The following TRIM11 variants were observed in gnomAD, a reference collection of about 807,000 sequenced individuals.
TRIM11 encodes the protein E3 ubiquitin-protein ligase TRIM11.
TRIM11 carries 15 observed loss-of-function variants against 33.4 expected under a neutral mutation model. That is an observed-to-expected ratio of 0.45 (90% CI 0.30 to 0.69). The LOEUF (loss-of-function observed/expected upper bound fraction) is 0.69, where lower values mean the gene tolerates loss of function less well. Among genes scored for constraint, TRIM11 ranks in the 30% least tolerant of loss-of-function variants. The pLI, the probability that TRIM11 is intolerant of heterozygous loss-of-function variation, is 0.08. For synonymous variants in TRIM11, 281 were observed against 302.6 expected (o/e 0.93, Z 0.74); for missense variants, 499 against 667.6 (o/e 0.75, Z 2.78).
Position 228,406,080 on chromosome 1 carries a change from A to AACAACC in TRIM11, c.408+73_408+74insGGTTGT. 1.0e-4 allele frequency: 133 copies of AACAACC among 1,277,830 alleles called. No individual in the cohort carries two copies. Among genetic ancestry groups the AACAACC allele is most frequent in the Non-Finnish European group, 1.2e-4 (121 of 998,750 alleles). 79.2% of individuals were successfully genotyped at this position (1,277,830 alleles called of 1,614,324 possible). ...GATTACTCCCGGAGCAGTCCCCCAA[A>AACAACC]CCTCCCACCCGCCCAGGCCTCCCCA... is the stretch of plus-strand genomic sequence containing the variant. On this transcript the variant is annotated intron_variant, in intron 1 of 5. Coordinates refer to ENST00000284551, the MANE Select transcript of TRIM11 (RefSeq NM_145214.3). The surrounding 1 kb of genome is among the most constrained non-coding windows in gnomAD (Gnocchi z 8.2).
chr1:228,406,370 G>T lies in TRIM11; in HGVS notation c.192C>A (p.Asn64Lys). The T allele has an allele frequency of 3.3e-6, 5 of 1,515,672 alleles. No homozygotes were observed. The highest frequency in any genetic ancestry group is 4.4e-6 in the Non-Finnish European group (5 of 1,134,668). The allele number at this position is 1,515,672 out of a possible 1,614,324, so 93.9% of individuals were successfully genotyped here. ...TAGCAAGCGGGCGGTTGGGCCGCAG[G>T]TTCCTCTGCGGGGACAGCTCGCGGC... ...PECRELSPQR[N>K]LRPNRPLAKM... Residue 64 changes from asparagine to lysine, a missense_variant, in exon 1 of 6, where the codon AAC becomes AAA. Asn to Lys is a moderately conservative substitution (Grantham distance 94, BLOSUM62 0). Coordinates refer to ENST00000284551, the MANE Select transcript of TRIM11 (RefSeq NM_145214.3). The surrounding 1 kb of genome is among the most constrained non-coding windows in gnomAD (Gnocchi z 8.2).
In TRIM11 at chr1:228,406,448, C is replaced by T; in HGVS notation, c.114G>A (p.Glu38=). ...MTDCGHNFCR[E]CIRRCWGQPE... is the part of the protein sequence containing the mutation. The stretch of plus-strand genomic sequence containing the variant: ...GCTGGCCCCAGCAGCGCCGGATGCA[C>T]TCGCGGCAGAAGTTGTGGCCGCAGT... Residue 38 remains glutamate, a synonymous_variant, in exon 1 of 6, where the codon GAG becomes GAA. Coordinates refer to ENST00000284551, the MANE Select transcript of TRIM11 (RefSeq NM_145214.3). The surrounding 1 kb of genome is among the most constrained non-coding windows in gnomAD (Gnocchi z 8.2). 3 of 1,590,894 alleles carry T rather than the reference C, an allele frequency of 1.9e-6. No homozygotes were observed. The highest frequency in any genetic ancestry group is 1.7e-6 in the Non-Finnish European group (2 of 1,173,152).
At position 228,406,739 on chromosome 1, in the gene TRIM11, A is replaced by G. The variant is rs1574090323; in HGVS notation, c.-178T>C. On this transcript the variant is annotated 5_prime_UTR_variant, in exon 1 of 6. Coordinates refer to ENST00000284551, the MANE Select transcript of TRIM11 (RefSeq NM_145214.3). The surrounding 1 kb of genome is among the most constrained non-coding windows in gnomAD (Gnocchi z 8.2). The stretch of plus-strand genomic sequence containing the variant: ...GGGCGCGGGGACTCCAGGGCGCAGG[A>G]CTCTGGGTTTCGGTAGCGCTGGGCG... 4.2e-6 allele frequency: 2 copies of G among 479,040 alleles called. No homozygotes were observed. The highest frequency in any genetic ancestry group is 2.3e-5 in the African/African-American group (1 of 43,454). The allele number at this position is 479,040 out of a possible 1,614,324, so 29.7% of individuals were successfully genotyped here. A position where few individuals can be genotyped will look rare whatever the true frequency, so the allele number is the denominator to read the frequency against.
rs1231151542 is a variant in TRIM11, at chr1:228,403,968, T to C, written c.409-1807A>G. Reference sequence around the variant, plus strand: ...CCACACCTGGCCAACGTTTTCAGTTTTCAACACTAAGGTTACAAACAGCAT... The same window carrying C: ...CCACACCTGGCCAACGTTTTCAGTTCTCAACACTAAGGTTACAAACAGCAT... On this transcript the variant is annotated intron_variant, in intron 1 of 5. Transcript: ENST00000284551. This position sits in a 1 kb window ranked among gnomAD's most constrained non-coding sequence, Gnocchi z 4.8. 6.6e-6 allele frequency: 1 copy of C among 152,250 alleles called. No homozygotes were observed. Among genetic ancestry groups the C allele is most frequent in the East Asian group, 1.9e-4 (1 of 5,200 alleles). 9.4% of individuals were successfully genotyped at this position (152,250 alleles called of 1,614,324 possible).
Position 228,403,102 on chromosome 1 carries a change from C to T in TRIM11, c.409-941G>A, listed in dbSNP as rs533108973. 5 of 152,228 alleles carry T rather than the reference C, an allele frequency of 3.3e-5. No homozygotes were observed. The highest frequency in any genetic ancestry group is 4.4e-5 in the Non-Finnish European group (3 of 68,078). The allele number at this position is 152,228 out of a possible 1,614,324, so 9.4% of individuals were successfully genotyped here. ...CCCACGGTTCCTCATGCTGTGCATA[C>T]CAGGAAGCAGTGAAAATCCTGTACA... On this transcript the variant is annotated intron_variant, in intron 1 of 5. Transcript: ENST00000284551. The surrounding 1 kb of genome is among the most constrained non-coding windows in gnomAD (Gnocchi z 4.8).
intron 3 of TRIM11, among the ~76,000 whole-genome samples, chr1:228,398,919 G>T (rs1218412881): frequency 6.6e-6 from 1 of 152,036 alleles, no homozygotes; most frequent in Non-Finnish European, 1.5e-5. Context: ...CTCGACAAGG[G>T]GGTTTGGTCT....
At chr1:228,398,127 T>A (rs898530548) in intron 3 of TRIM11, among the ~76,000 whole-genome samples, 4 of 152,170 alleles carry the variant, frequency 2.6e-5, no homozygotes, top group Admixed American at 1.3e-4. Context: ...CAGTCTTCAG[T>A]GCACTGCAAG....
rs144867289 is a variant in TRIM11, at chr1:228,400,337, A to G, written c.735+627T>C. Among the ~76,000 whole-genome samples, 729 of 152,328 alleles carry G rather than the reference A, an allele frequency of 4.8e-3. 5 individuals carry two copies. The highest frequency in any genetic ancestry group is 0.017 in the African/African-American group (694 of 41,580). On this transcript the variant is annotated intron_variant, in intron 3 of 5. Coordinates refer to ENST00000284551, the MANE Select transcript of TRIM11 (RefSeq NM_145214.3). The surrounding 1 kb of genome is among the most constrained non-coding windows in gnomAD (Gnocchi z 4.5). ...TCATCAGTGCACGCTTGCCAAGCGG[A>G]GAGAGCTGACTCCAGGCCCCCTGAC...
rs1182357675 is a variant in TRIM11 at position 228,400,812 on chromosome 1, C to T, written c.735+152G>A. On this transcript the variant is annotated intron_variant, in intron 3 of 5. Transcript: ENST00000284551. This position sits in a 1 kb window ranked among gnomAD's most constrained non-coding sequence, Gnocchi z 4.5. ...GTCCTGCTGCTGACTCAGCATTTCA[C>T]AGGCAACAGCCAGGCACATCCAGCC... The T allele has an allele frequency of 2.9e-6, 4 of 1,393,402 alleles. No individual in the cohort carries two copies. Among genetic ancestry groups the T allele is most frequent in the South Asian group, 3.1e-5 (2 of 64,338 alleles). 86.3% of individuals were successfully genotyped at this position (1,393,402 alleles called of 1,614,324 possible).
At chr1:228,398,124 C>T (rs2075002185) in intron 3 of TRIM11, among the ~76,000 whole-genome samples, 1 of 152,148 alleles carries the variant, frequency 6.6e-6, no homozygotes, top group Non-Finnish European at 1.5e-5. Flanking sequence ...GAGCAGTCTT[C>T]AGTGCACTGC....
In TRIM11 at chr1:228,394,412, G is replaced by C. The variant is rs1478144522; in HGVS notation, c.*293C>G. On this transcript the variant is annotated 3_prime_UTR_variant, in exon 6 of 6. Transcript: ENST00000284551. This position sits in a 1 kb window ranked among gnomAD's most constrained non-coding sequence, Gnocchi z 6.2. Reference sequence around the variant, plus strand: ...AGTTTTCTCAGCTTCTGGAACCACAGGCCAGAGCTGCCGGGGCAATGGGGC... The same window carrying C: ...AGTTTTCTCAGCTTCTGGAACCACACGCCAGAGCTGCCGGGGCAATGGGGC... 1 of 438,836 alleles carries C rather than the reference G, an allele frequency of 2.3e-6. No individual in the cohort carries two copies. The highest frequency in any genetic ancestry group is 3.6e-5 in the East Asian group (1 of 27,524). The allele number at this position is 438,836 out of a possible 1,614,324, so 27.2% of individuals were successfully genotyped here.
chr1:228,406,144 C>A lies in TRIM11; in HGVS notation c.408+10G>T. On this transcript the variant is annotated intron_variant, in intron 1 of 5. Coordinates refer to ENST00000284551, the MANE Select transcript of TRIM11 (RefSeq NM_145214.3). This position sits in a 1 kb window ranked among gnomAD's most constrained non-coding sequence, Gnocchi z 8.2. ...CGACGCCCCTGCACGCCACCCCCGC[C>A]CAGGAGCACCTTGAGGTCTTCGGCC... The A allele has an allele frequency of 7.3e-7, 1 of 1,370,072 alleles. No individual in the cohort carries two copies. The allele number at this position is 1,370,072 out of a possible 1,614,324, so 84.9% of individuals were successfully genotyped here.
Position 228,394,321 on chromosome 1 carries a change from G to C in TRIM11, c.*384C>G, listed in dbSNP as rs2074958017. The stretch of plus-strand genomic sequence containing the variant: ...AGAGGTGGGGTACACAAGACTTTCA[G>C]GGGGCTGGCAAAGCTGCAGGAACTG... On this transcript the variant is annotated 3_prime_UTR_variant, in exon 6 of 6. Transcript: ENST00000284551. The surrounding 1 kb of genome is among the most constrained non-coding windows in gnomAD (Gnocchi z 6.2). 4.9e-6 allele frequency: 1 copy of C among 203,000 alleles called. No homozygotes were observed. The highest frequency in any genetic ancestry group is 5.9e-5 in the Admixed American group (1 of 16,948). 12.6% of individuals were successfully genotyped at this position (203,000 alleles called of 1,614,324 possible). A position where few individuals can be genotyped will look rare whatever the true frequency, so the allele number is the denominator to read the frequency against.
At chr1:228,405,896 A>T in intron 1 of TRIM11, 1 of 375,544 alleles carries the variant, frequency 2.7e-6, no homozygotes, top group African/African-American at 2.4e-5. Flanking sequence ...TACGCCCCTC[A>T]CCCCCGAGAG....
Position 228,402,448 on chromosome 1 carries a change from A to G in TRIM11, c.409-287T>C, listed in dbSNP as rs941117598. The G allele has an allele frequency of 4.4e-5, 12 of 273,710 alleles. No homozygotes were observed. The South Asian group carries it at 5.9e-4, about 13-fold the overall frequency. The allele number at this position is 273,710 out of a possible 1,614,324, so 17.0% of individuals were successfully genotyped here. On this transcript the variant is annotated intron_variant, in intron 1 of 5. Coordinates refer to ENST00000284551, the MANE Select transcript of TRIM11 (RefSeq NM_145214.3). The stretch of plus-strand genomic sequence containing the variant: ...GCCCAGGCCTCACCCCCCTTTGCAA[A>G]GCTACCTCAAGGGTTCTGGCTGCCC...
Position 228,401,152 on chromosome 1 carries a change from C to G in TRIM11, c.547G>C (p.Glu183Gln). 1 of 1,613,584 alleles carries G rather than the reference C, an allele frequency of 6.2e-7. No homozygotes were observed. The highest frequency in any genetic ancestry group is 8.5e-7 in the Non-Finnish European group (1 of 1,179,926). ...TCTGCCAGCAAACGGCGAAGACGCT[C>G]GAACTCACCCAGCACGTTCTGCCGC... ...SQRQNVLGEF[E>Q]RLRRLLAEEE... Residue 183 changes from glutamate (E) to glutamine (Q), a missense_variant, in exon 3 of 6, where the codon GAG becomes CAG. Glu to Gln is a conservative substitution (Grantham distance 29). Transcript: ENST00000284551. This position sits in a 1 kb window ranked among gnomAD's most constrained non-coding sequence, Gnocchi z 6.1.
Position 228,406,594 on chromosome 1 carries a change from C to T in TRIM11, c.-33G>A. The T allele has an allele frequency of 7.1e-7, 1 of 1,414,120 alleles. No homozygotes were observed. The highest frequency in any genetic ancestry group is 9.2e-7 in the Non-Finnish European group (1 of 1,083,530). 87.6% of individuals were successfully genotyped at this position (1,414,120 alleles called of 1,614,324 possible). On this transcript the variant is annotated 5_prime_UTR_variant, in exon 1 of 6. Transcript: ENST00000284551. This position sits in a 1 kb window ranked among gnomAD's most constrained non-coding sequence, Gnocchi z 8.2. The stretch of plus-strand genomic sequence containing the variant: ...ACAGAGGGGAGGAAGGCGGTACTGT[C>T]CGCGGGGCGGCGGCGGGCGGCCTCG...
At position 228,406,369 on chromosome 1, in the gene TRIM11, G is replaced by C; in HGVS notation, c.193C>G (p.Leu65Val). 6.6e-7 allele frequency: 1 copy of C among 1,514,674 alleles called. No homozygotes were observed. The highest frequency in any genetic ancestry group is 8.8e-7 in the Non-Finnish European group (1 of 1,134,156). 93.8% of individuals were successfully genotyped at this position (1,514,674 alleles called of 1,614,324 possible). The change falls in exon 1 of 6, where the codon CTG (leucine) becomes GTG (valine). Residue 65 changes from leucine to valine, a missense_variant. By Grantham distance (32) the Leu-to-Val change is conservative. Coordinates refer to ENST00000284551, the MANE Select transcript of TRIM11 (RefSeq NM_145214.3). The surrounding 1 kb of genome is among the most constrained non-coding windows in gnomAD (Gnocchi z 8.2). The stretch of plus-strand genomic sequence containing the variant: ...TTAGCAAGCGGGCGGTTGGGCCGCA[G>C]GTTCCTCTGCGGGGACAGCTCGCGG... Reference protein sequence around the residue: ...ECRELSPQRNLRPNRPLAKMA... With the variant: ...ECRELSPQRNVRPNRPLAKMA...
At position 228,406,422 on chromosome 1, in the gene TRIM11, G is replaced by A. The variant is rs1196969159; in HGVS notation, c.140C>T (p.Pro47Leu). The A allele has an allele frequency of 6.3e-7, 1 of 1,582,198 alleles. No homozygotes were observed. The highest frequency in any genetic ancestry group is 8.5e-7 in the Non-Finnish European group (1 of 1,169,860). ...CTCGGGGCACGCGTACGGGCCCTCG[G>A]GCTGGCCCCAGCAGCGCCGGATGCA... ...RECIRRCWGQ[P>L]EGPYACPECR... Residue 47 changes from proline (P) to leucine (L), a missense_variant, in exon 1 of 6, where the codon CCC becomes CTC. By Grantham distance (98) the Pro-to-Leu change is moderately conservative. Coordinates refer to ENST00000284551, the MANE Select transcript of TRIM11 (RefSeq NM_145214.3). This position sits in a 1 kb window ranked among gnomAD's most constrained non-coding sequence, Gnocchi z 8.2.
Sources: gnomAD v4.1 joint callset for allele counts (sites outside exome capture counted in the v4.1 genomes callset) on GRCh38, gnomAD v4.1.1 for gene constraint, Gnocchi (gnomAD v3.1) non-coding constraint, MANE v1.5 for transcripts, NCBI Gene and HGNC (gene_info 2026-07-23, HGNC 2026-07-21) for gene names.